Variants in SGCZ observed in about 807,000 individuals in gnomAD.
The protein encoded by SGCZ is sarcoglycan zeta, also known as zeta-sarcoglycan.
A neutral mutation model predicts 41.3 loss-of-function variants in SGCZ; 40 were observed. The observed-to-expected ratio is 0.97, with a 90% CI of 0.75 to 1.26. The LOEUF is 1.26. Ranked by LOEUF, SGCZ falls within the 50% of genes most tolerant of loss-of-function variation. SGCZ has a pLI of 0.00. For missense variants in SGCZ, 552 were observed against 369.8 expected, an observed-to-expected ratio of 1.49 and a Z score of -4.04; for synonymous variants, 206 against 137.5, an observed-to-expected ratio of 1.50 and a Z score of -3.49.
At chr8:14,882,216 C>G (rs1804618131) in intron 1 of SGCZ, among the ~76,000 whole-genome samples, 3 of 152,194 alleles carry the variant, frequency 2.0e-5, no homozygotes, top group Non-Finnish European at 4.4e-5. Flanking sequence ...GGACTGACAT[C>G]TGGGGATTAT....
chr8:14,724,837 T>C (rs1249784558), intron 1 of SGCZ, among the ~76,000 whole-genome samples: 1 of 152,208 alleles, frequency 6.6e-6, no homozygotes, highest in Non-Finnish European at 1.5e-5. Context: ...TATGATTTCT[T>C]TGTGTCAGAA....
chr8:14,830,179 C>T lies in SGCZ; in HGVS notation c.40-275253G>A, dbSNP rs184769515. On this transcript the variant is annotated intron_variant, in intron 1 of 7. Transcript: ENST00000382080. ...AAATTGAATTAAAAATATGGACCAA[C>T]TTTATTTATTTGGTTATTTAATTAT... Among the ~76,000 whole-genome samples, 213 of 151,966 alleles carry T rather than the reference C, an allele frequency of 1.4e-3. 4 individuals are homozygous for T. In the East Asian group the frequency reaches 0.027, roughly 19 times the overall value.
chr8:14,393,765 C>G (rs371645529), intron 2 of SGCZ, among the ~76,000 whole-genome samples: 4 of 152,132 alleles, frequency 2.6e-5, no homozygotes, highest in Non-Finnish European at 4.4e-5. Flanking sequence ...CTAGACAACC[C>G]AGCCGCTTCA....
intron 1 of SGCZ, among the ~76,000 whole-genome samples, chr8:15,008,028 G>A (rs1334461510): frequency 6.6e-6 from 1 of 151,922 alleles, no homozygotes; most frequent in Non-Finnish European, 1.5e-5. Flanking sequence ...ATAAATTGTT[G>A]TCTTTTTCTC....
chr8:14,546,103 T>A (rs73667306), intron 2 of SGCZ, among the ~76,000 whole-genome samples: 6,340 of 152,238 alleles, frequency 0.042, 172 homozygotes, highest in South Asian at 0.12. Context: ...CGGAAGGGTA[T>A]AATGGAAGCA....
At chr8:14,975,643 G>C (rs1053510249) in intron 1 of SGCZ, among the ~76,000 whole-genome samples, 1 of 151,958 alleles carries the variant, frequency 6.6e-6, no homozygotes, top group African/African-American at 2.4e-5. Flanking sequence ...ACCTAATATA[G>C]GACTCAGTGT....
intron 1 of SGCZ, chr8:14,879,259 T>C (rs1804486143): frequency 6.6e-6 from 1 of 152,088 alleles, no homozygotes; most frequent in Non-Finnish European, 1.5e-5. Flanking sequence ...GCCTGGGAGA[T>C]TGAGGCTGCA....
intron 1 of SGCZ, among the ~76,000 whole-genome samples, chr8:14,707,762 G>C (rs530906101): frequency 6.6e-6 from 1 of 152,220 alleles, no homozygotes; most frequent in South Asian, 2.1e-4. Context: ...CGTCTGGCTA[G>C]CCTTGGACCA....
chr8:14,177,896 A>G (rs1001106964), intron 4 of SGCZ, among the ~76,000 whole-genome samples: 2 of 149,370 alleles, frequency 1.3e-5, no homozygotes, highest in Non-Finnish European at 3.0e-5. Flanking sequence ...ACTCAATGTT[A>G]CTGCCAATTC....
chr8:14,613,902 A>C (rs1329103180), intron 1 of SGCZ, among the ~76,000 whole-genome samples: 1 of 152,194 alleles, frequency 6.6e-6, no homozygotes, highest in Non-Finnish European at 1.5e-5. Context: ...ACAAAAAAAA[A>C]TCAAAATCTA....
chr8:14,755,341 A>G (rs918202716), intron 1 of SGCZ, among the ~76,000 whole-genome samples: 2 of 152,148 alleles, frequency 1.3e-5, no homozygotes, highest in African/African-American at 4.8e-5. Context: ...TTGTTATTGA[A>G]CACATTAGCA....
chr8:14,579,334 A>G (rs183085359), intron 1 of SGCZ, among the ~76,000 whole-genome samples: 1 of 152,350 alleles, frequency 6.6e-6, no homozygotes, highest in East Asian at 1.9e-4. Flanking sequence ...AATGTAAATT[A>G]TAAAACAGAA....
intron 2 of SGCZ, among the ~76,000 whole-genome samples, chr8:14,553,908 T>C (rs761126351): frequency 6.6e-6 from 1 of 152,026 alleles, no homozygotes; most frequent in Non-Finnish European, 1.5e-5. Context: ...AGATACTTGC[T>C]TGTATGTGGA....
intron 1 of SGCZ, among the ~76,000 whole-genome samples, chr8:15,110,058 C>T (rs2131097643): frequency 6.6e-6 from 1 of 152,250 alleles, no homozygotes. Flanking sequence ...TATTCAGAGA[C>T]ATTTTATCAT....
intron 1 of SGCZ, among the ~76,000 whole-genome samples, chr8:14,791,370 G>A (rs1800946243): frequency 6.6e-6 from 1 of 151,952 alleles, no homozygotes; most frequent in Admixed American, 6.6e-5. Context: ...CACCATTGTG[G>A]GAGTGCGCCT....
At chr8:14,647,004 C>T (rs1807243566) in intron 1 of SGCZ, among the ~76,000 whole-genome samples, 1 of 151,890 alleles carries the variant, frequency 6.6e-6, no homozygotes, top group South Asian at 2.1e-4. Context: ...GTAGAGCTTC[C>T]TCATGGTCCA....
chr8:15,123,730 T>G (rs1807570440), intron 1 of SGCZ, among the ~76,000 whole-genome samples: 1 of 152,200 alleles, frequency 6.6e-6, no homozygotes, highest in South Asian at 2.1e-4. Flanking sequence ...CCTTATACTT[T>G]CTCCCTAATG....
intron 2 of SGCZ, among the ~76,000 whole-genome samples, chr8:14,361,965 T>C (rs986358476): frequency 1.3e-5 from 2 of 152,160 alleles, no homozygotes; most frequent in Non-Finnish European, 2.9e-5. Context: ...GCTGGAGTTT[T>C]CTAGAGGTCA....
intron 1 of SGCZ, among the ~76,000 whole-genome samples, chr8:14,722,672 G>A (rs1049203680): frequency 1.3e-5 from 2 of 152,034 alleles, no homozygotes; most frequent in Admixed American, 6.6e-5. Context: ...AGGTTGACTA[G>A]GGAAGACTAC....
Sources: gnomAD v4.1 joint callset for allele counts (sites outside exome capture counted in the v4.1 genomes callset) on GRCh38, gnomAD v4.1.1 for gene constraint, MANE v1.5 for transcripts, NCBI Gene and HGNC (gene_info 2026-07-23, HGNC 2026-07-21) for gene names.